CFAP206: variants seen among roughly 807,000 people sequenced by gnomAD.
CFAP206 encodes cilia- and flagella-associated protein 206.
CFAP206 carries 53 observed loss-of-function variants against 65.4 expected under a neutral mutation model. That is an observed-to-expected ratio of 0.81 (90% CI 0.65 to 1.02). CFAP206 has a LOEUF of 1.02. Among genes scored for constraint, CFAP206 ranks in the 50% least tolerant of loss-of-function variants. CFAP206 has a pLI of 0.00. For synonymous variants in CFAP206, 250 were observed against 254.4 expected (o/e 0.98, Z 0.17); for missense variants, 663 against 753.2 (o/e 0.88, Z 1.40).
rs1767705670 is a variant in CFAP206, at chr6:87,410,017, C to T, written c.108+70C>T. 4 of 1,046,348 alleles carry T rather than the reference C, an allele frequency of 3.8e-6. No homozygotes were observed. In the African/African-American group the frequency reaches 4.8e-5, roughly 13 times the overall value. The allele number at this position is 1,046,348 out of a possible 1,614,324, so 64.8% of individuals were successfully genotyped here. On this transcript the variant is annotated intron_variant, in intron 2 of 12. Transcript: ENST00000369562. ...TTTAAGATGTGGTGTCCATTTTCCC[C>T]TTTAAATTCTGTGAGGCTTTCATAA...
chr6:87,415,983 GAAAAA>G, intron 5 of CFAP206, 109 bp downstream of exon 5: 2 of 543,718 alleles, frequency 3.7e-6, no homozygotes, highest in Admixed American at 4.6e-5. Flanking sequence ...CTTTTTATCT[GAAAAA>G]AAAAAAAAAA....
intron 11 of CFAP206, among the ~76,000 whole-genome samples, chr6:87,438,129 C>A (rs1466490759): frequency 2.0e-5 from 3 of 151,996 alleles, no homozygotes; most frequent in African/African-American, 2.4e-5. Flanking sequence ...AAGACAAAGT[C>A]TGTTAAGGGA....
At chr6:87,456,168 T>A (rs2127957163) in intron 11 of CFAP206, among the ~76,000 whole-genome samples, 1 of 152,302 alleles carries the variant, frequency 6.6e-6, no homozygotes, top group African/African-American at 2.4e-5. Flanking sequence ...TATGACCAAG[T>A]GGGATTCATC....
chr6:87,434,848 TTTTA>T lies in CFAP206; in HGVS notation c.1301-8_1301-5del. 1.6e-6 allele frequency: 2 copies of T among 1,285,314 alleles called. No homozygotes were observed. Among genetic ancestry groups the T allele is most frequent in the Non-Finnish European group, 2.2e-6 (2 of 924,612 alleles). The allele number at this position is 1,285,314 out of a possible 1,614,324, so 79.6% of individuals were successfully genotyped here. The stretch of plus-strand genomic sequence containing the variant: ...CAAGACATTTCATATCTAATTCTTT[TTTTA>T]TTTTCAGGAAATCCAGCAATTGGAA... On this transcript the variant is annotated splice_polypyrimidine_tract_variant and splice_region_variant and intron_variant, in intron 10 of 12. Coordinates refer to ENST00000369562, the MANE Select transcript of CFAP206 (RefSeq NM_001031743.3).
chr6:87,415,322 AT>A (rs1424229846), intron 4 of CFAP206, among the ~76,000 whole-genome samples: 1 of 149,804 alleles, frequency 6.7e-6, no homozygotes, highest in Non-Finnish European at 1.5e-5. Flanking sequence ...GTATATATTT[AT>A]TTTTTCATAT....
intron 11 of CFAP206, among the ~76,000 whole-genome samples, chr6:87,453,168 TG>T (rs1412378997): frequency 6.6e-6 from 1 of 151,972 alleles, no homozygotes; most frequent in Non-Finnish European, 1.5e-5. Context: ...CAGGAGAGAA[TG>T]GCACGACATA....
chr6:87,428,562 G>T, intron 8 of CFAP206, 64 bp from the exon 9 acceptor site: 1 of 1,404,490 alleles, frequency 7.1e-7, no homozygotes, highest in Non-Finnish European at 1.0e-6. Flanking sequence ...TTATCTTAAA[G>T]AGTACAGTGA....
At position 87,431,078 on chromosome 6, in the gene CFAP206, T is replaced by C; in HGVS notation, c.1205T>C (p.Phe402Ser). 1 of 1,614,032 alleles carries C rather than the reference T, an allele frequency of 6.2e-7. No homozygotes were observed. Among genetic ancestry groups the C allele is most frequent in the Non-Finnish European group, 8.5e-7 (1 of 1,179,918 alleles). The change falls in exon 10 of 13, where the codon TTC becomes TCC. Residue 402 changes from phenylalanine to serine, a missense_variant. Physicochemically the swap from Phe to Ser is radical, Grantham distance 155 (BLOSUM62 -2). Coordinates refer to ENST00000369562, the MANE Select transcript of CFAP206 (RefSeq NM_001031743.3). ...VADFRKLEWL[F>S]PETTANFDKL... ...GATTTCAGAAAACTAGAATGGCTTTTCCCAGAAACAACAGCAAATTTTGAT... is the reference window on the plus strand; with the variant it reads ...GATTTCAGAAAACTAGAATGGCTTTCCCCAGAAACAACAGCAAATTTTGAT...
chr6:87,454,711 G>T (rs1400781868), intron 11 of CFAP206, among the ~76,000 whole-genome samples: 1 of 150,900 alleles, frequency 6.6e-6, no homozygotes, highest in Non-Finnish European at 1.5e-5. Flanking sequence ...CAGGTGTGGT[G>T]GTGCATGCCT....
chr6:87,438,369 G>A, intron 11 of CFAP206, among the ~76,000 whole-genome samples: 1 of 148,298 alleles, frequency 6.7e-6, no homozygotes, highest in Non-Finnish European at 1.5e-5. Flanking sequence ...GCTGAGGCAG[G>A]AGAATCGCTT....
At chr6:87,418,073 A>G (rs1322946841) in intron 6 of CFAP206, 135 bp from the exon 7 acceptor site, 1 of 766,210 alleles carries the variant, frequency 1.3e-6, no homozygotes, top group Non-Finnish European at 2.1e-6. Flanking sequence ...CAGGAAACAC[A>G]TGCCTCATTA....
At chr6:87,414,112 G>T (rs2127947456) in intron 4 of CFAP206, among the ~76,000 whole-genome samples, 1 of 152,122 alleles carries the variant, frequency 6.6e-6, no homozygotes, top group Non-Finnish European at 1.5e-5. Flanking sequence ...CAATTATTGT[G>T]CTCATAATTA....
intron 7 of CFAP206, among the ~76,000 whole-genome samples, chr6:87,420,294 G>A (rs1767916335): frequency 6.6e-6 from 1 of 152,156 alleles, no homozygotes; most frequent in South Asian, 2.1e-4. Context: ...TTATAAGAAA[G>A]AACCTTGAGA....
chr6:87,462,780 A>G lies in CFAP206; in HGVS notation c.1639-1240A>G, dbSNP rs1464914758. On this transcript the variant is annotated intron_variant, in intron 12 of 12. Transcript: ENST00000369562. Reference sequence around the variant, plus strand: ...CTGAGCCCTCTCTTCCCATTCCTCAATCTCCACTTAATTCTGACTCTCACC... The same window carrying G: ...CTGAGCCCTCTCTTCCCATTCCTCAGTCTCCACTTAATTCTGACTCTCACC... Among the ~76,000 whole-genome samples, 4 of 152,264 alleles carry G rather than the reference A, an allele frequency of 2.6e-5. No individual in the cohort carries two copies. In the East Asian group the frequency reaches 5.8e-4, roughly 22 times the overall value.
intron 11 of CFAP206, 65 bp downstream of exon 11, chr6:87,435,118 T>C: frequency 7.8e-7 from 1 of 1,274,886 alleles, no homozygotes; most frequent in South Asian, 1.5e-5. Context: ...AAAAGTTGTA[T>C]TTTGTTGTAG....
chr6:87,457,019 A>G (rs35907847), intron 11 of CFAP206, among the ~76,000 whole-genome samples: 43,313 of 151,424 alleles, frequency 0.29, 6,290 homozygotes, highest in Admixed American at 0.38. Context: ...GCGTGGTGGC[A>G]GGTGCCTGTT....
chr6:87,463,450 G>A (rs545157069), intron 12 of CFAP206, among the ~76,000 whole-genome samples: 5 of 152,190 alleles, frequency 3.3e-5, no homozygotes, highest in African/African-American at 1.2e-4. Context: ...TACTATAAGT[G>A]CAGCAACCTT....
chr6:87,412,425 G>C (rs1356013376), intron 3 of CFAP206, among the ~76,000 whole-genome samples: 20 of 152,130 alleles, frequency 1.3e-4, no homozygotes, highest in Admixed American at 1.3e-3. Flanking sequence ...TACAGAGTGA[G>C]CAGTGAAGGA....
intron 11 of CFAP206, among the ~76,000 whole-genome samples, chr6:87,447,749 A>C (rs1768468530): frequency 6.6e-6 from 1 of 152,128 alleles, no homozygotes; most frequent in Non-Finnish European, 1.5e-5. Context: ...TATCAGAAGA[A>C]ATGGTACCGG....
Sources: allele counts gnomAD v4.1 joint callset (sites outside exome capture counted in the v4.1 genomes callset), GRCh38; gene constraint gnomAD v4.1.1; transcripts MANE v1.5; gene names NCBI Gene and HGNC (gene_info 2026-07-23, HGNC 2026-07-21).